The following MGLL variants were observed in gnomAD, a reference collection of about 807,000 sequenced individuals.
MGLL encodes lysophospholipase homolog.
Under a neutral mutation model 29.1 loss-of-function variants are expected in MGLL, and 7 were observed. That is an observed-to-expected ratio of 0.24 (90% confidence interval 0.14 to 0.45). The LOEUF (loss-of-function observed/expected upper bound fraction) is 0.45. Among genes scored for constraint, MGLL ranks in the 20% least tolerant of loss-of-function variants. The probability of loss-of-function intolerance (pLI) is 0.99; values close to 1 mark genes in which losing one functional copy is unlikely to be tolerated. For synonymous variants in MGLL, 148 were observed against 168.3 expected, an observed-to-expected ratio of 0.88 and a Z score of 0.93; for missense variants, 356 against 413.6, an observed-to-expected ratio of 0.86 and a Z score of 1.21.
chr3:127,755,118 G>T (rs16830397), intron 3 of MGLL, among the ~76,000 whole-genome samples: 2 of 152,048 alleles, frequency 1.3e-5, no homozygotes, highest in East Asian at 1.9e-4. Context: ...TTGCCCACAC[G>T]GCCTCGTCAA....
chr3:127,692,176 A>T lies in MGLL; in HGVS notation c.*22T>A, dbSNP rs1167673121. ...CCCTGCCTGCATCCCCCAGACCATG[A>T]GCCGGGCACCGGCCAATGCATTCAG... On this transcript the variant is annotated 3_prime_UTR_variant, in exon 8 of 8. Transcript: ENST00000265052. The T allele has an allele frequency of 1.3e-6, 2 of 1,593,590 alleles. No homozygotes were observed. Among genetic ancestry groups the T allele is most frequent in the Non-Finnish European group, 1.7e-6 (2 of 1,174,360 alleles).
chr3:127,694,269 G>GT (rs1369919359), intron 7 of MGLL, among the ~76,000 whole-genome samples: 1 of 67,626 alleles, frequency 1.5e-5, no homozygotes, highest in African/African-American at 5.9e-5. Context: ...TACTCTGTCT[G>GT]AAAAAAAAAA....
chr3:127,696,325 C>T (rs541483802), intron 6 of MGLL, among the ~76,000 whole-genome samples: 9 of 150,998 alleles, frequency 6.0e-5, no homozygotes, highest in Non-Finnish European at 1.3e-4. Flanking sequence ...AGCATCTGCC[C>T]TACAGGATCG....
intron 2 of MGLL, among the ~76,000 whole-genome samples, chr3:127,803,311 AG>A (rs2077510933): frequency 6.6e-6 from 1 of 152,020 alleles, no homozygotes; most frequent in Non-Finnish European, 1.5e-5. Flanking sequence ...CTGCACGGGG[AG>A]GGCCTTTGTT....
At chr3:127,769,878 G>A (rs1000640640) in intron 3 of MGLL, among the ~76,000 whole-genome samples, 45 of 152,260 alleles carry the variant, frequency 3.0e-4, no homozygotes, top group African/African-American at 9.9e-4. Flanking sequence ...AGGATGGAGC[G>A]GGGCTCCTGT....
intron 2 of MGLL, among the ~76,000 whole-genome samples, chr3:127,812,444 A>T (rs188785006): frequency 3.9e-4 from 60 of 152,072 alleles, no homozygotes; most frequent in African/African-American, 1.1e-3. Context: ...ACTGAGTTTC[A>T]TTTGAAGAAA....
At chr3:127,719,231 C>T (rs2107619513) in intron 5 of MGLL, among the ~76,000 whole-genome samples, 1 of 152,314 alleles carries the variant, frequency 6.6e-6, no homozygotes, top group African/African-American at 2.4e-5. Context: ...CTTGTTGGTC[C>T]CACCTCCAGG....
intron 2 of MGLL, among the ~76,000 whole-genome samples, chr3:127,817,649 G>A (rs2077780677): frequency 6.6e-6 from 1 of 152,202 alleles, no homozygotes; most frequent in South Asian, 2.1e-4. Context: ...AGCCTTCCTG[G>A]TCATCCAGTG....
chr3:127,809,925 A>G (rs1384748410), intron 2 of MGLL, among the ~76,000 whole-genome samples: 3 of 152,188 alleles, frequency 2.0e-5, no homozygotes, highest in Non-Finnish European at 2.9e-5. Context: ...CGGATGTGAA[A>G]GGGTGAGATC....
intron 6 of MGLL, among the ~76,000 whole-genome samples, chr3:127,703,759 G>T (rs1467495953): frequency 6.6e-6 from 1 of 152,196 alleles, no homozygotes; most frequent in East Asian, 1.9e-4. Context: ...AGAGGGAAAA[G>T]GCAGCCCACA....
At chr3:127,754,868 T>C (rs943403286) in intron 3 of MGLL, among the ~76,000 whole-genome samples, 3 of 152,160 alleles carry the variant, frequency 2.0e-5, no homozygotes, top group African/African-American at 7.2e-5. Context: ...TATTTCTAGG[T>C]GTGTGCACTC....
At chr3:127,797,051 A>C (rs2077394019) in intron 2 of MGLL, among the ~76,000 whole-genome samples, 1 of 152,114 alleles carries the variant, frequency 6.6e-6, no homozygotes. Flanking sequence ...GGAGGCCTGC[A>C]ATCCACTGGT....
intron 4 of MGLL, 42 bp from the exon 5 acceptor site, chr3:127,721,205 C>G: frequency 6.6e-7 from 1 of 1,526,622 alleles, no homozygotes; most frequent in Non-Finnish European, 9.1e-7. Context: ...TCGGCTTGCA[C>G]CAGTGCACAC....
chr3:127,764,419 G>A (rs1386178720), intron 3 of MGLL, among the ~76,000 whole-genome samples: 1 of 152,152 alleles, frequency 6.6e-6, no homozygotes, highest in African/African-American at 2.4e-5. Context: ...AGATATCAAG[G>A]CCATATACTT....
chr3:127,696,396 C>CTTTTTTTTTTTTTTTTTTT (rs545853423), intron 6 of MGLL, among the ~76,000 whole-genome samples: 2 of 49,346 alleles, frequency 4.1e-5, no homozygotes, highest in South Asian at 9.3e-4. Context: ...CCTGATGCTT[C>CTTTTTTTTTTTTTTTTTTT]TTTTTTTTTT....
chr3:127,701,232 A>AAAAAAAAAAAC (rs1203917436), intron 6 of MGLL, among the ~76,000 whole-genome samples: 1 of 150,892 alleles, frequency 6.6e-6, no homozygotes. Context: ...AAAAAAAAAA[A>AAAAAAAAAAAC]AGCCACCACC....
intron 3 of MGLL, among the ~76,000 whole-genome samples, chr3:127,775,542 GAC>G (rs2077020116): frequency 6.6e-6 from 1 of 152,008 alleles, no homozygotes; most frequent in Admixed American, 6.6e-5. Flanking sequence ...GCCGCCCACA[GAC>G]ATTCCCTCAA....
At chr3:127,809,190 C>T (rs1265146980) in intron 2 of MGLL, among the ~76,000 whole-genome samples, 1 of 152,194 alleles carries the variant, frequency 6.6e-6, no homozygotes, top group Non-Finnish European at 1.5e-5. Context: ...ATCTTCTCAT[C>T]TTGCTCTCTC....
At chr3:127,801,945 G>A (rs1305665540) in intron 2 of MGLL, among the ~76,000 whole-genome samples, 1 of 151,988 alleles carries the variant, frequency 6.6e-6, no homozygotes, top group Non-Finnish European at 1.5e-5. Context: ...GGCCCACACA[G>A]CTCACAGCCC....
Sources: gnomAD v4.1 joint callset for allele counts (sites outside exome capture counted in the v4.1 genomes callset) on GRCh38, gnomAD v4.1.1 for gene constraint, MANE v1.5 for transcripts, NCBI Gene and HGNC (gene_info 2026-07-23, HGNC 2026-07-21) for gene names.